The following DSC3 variants were observed in gnomAD, a reference collection of about 807,000 sequenced individuals.
DSC3 encodes desmocollin-3.
Under a neutral mutation model 89.5 loss-of-function variants are expected in DSC3, and 97 were observed. The observed-to-expected ratio is 1.08, with a 90% CI of 0.92 to 1.28. The LOEUF is 1.28. Among genes scored for constraint, DSC3 ranks in the 50% most tolerant of loss-of-function variants. The pLI is 0.00. For synonymous variants in DSC3, 436 were observed against 384.1 expected (o/e 1.14, Z -1.58); for missense variants, 1,199 against 1,085.3 (o/e 1.10, Z -1.47).
At chr18:31,016,220 C>A (rs1985231792) in intron 9 of DSC3, among the ~76,000 whole-genome samples, 1 of 152,162 alleles carries the variant, frequency 6.6e-6, no homozygotes, top group African/African-American at 2.4e-5. Context: ...AGCCAGCAAT[C>A]CACAATTGCT....
At chr18:30,999,786 G>T (rs1598598686) in intron 14 of DSC3, among the ~76,000 whole-genome samples, 1 of 152,228 alleles carries the variant, frequency 6.6e-6, no homozygotes, top group Middle Eastern at 3.4e-3. Flanking sequence ...AAGCTAAAAT[G>T]ATCACTTTTA....
intron 14 of DSC3, among the ~76,000 whole-genome samples, chr18:30,997,477 A>T (rs572374137): frequency 2.6e-5 from 4 of 152,198 alleles, no homozygotes; most frequent in East Asian, 3.9e-4. Flanking sequence ...TGATAAGGAC[A>T]GTAATCCATT....
intron 8 of DSC3, 38 bp from the exon 9 acceptor site, chr18:31,018,294 T>C (rs1228710283): frequency 1.3e-6 from 2 of 1,549,800 alleles, no homozygotes. Context: ...TGAAATTTTA[T>C]TTTATAGACA....
At chr18:30,994,557 G>C in intron 15 of DSC3, 185 bp from the exon 16 acceptor site, 1 of 1,359,290 alleles carries the variant, frequency 7.4e-7, no homozygotes. Context: ...AGTCAGTATA[G>C]TTTACATTTC....
In DSC3 at chr18:31,008,074, C is replaced by A. The variant is rs772463637; in HGVS notation, c.1605G>T (p.Arg535Ser). Residue 535 changes from arginine (R) to serine (S), a missense_variant, in exon 11 of 16, where the codon AGG (arginine) becomes AGT (serine). Arg to Ser is a moderately radical substitution (Grantham distance 110, BLOSUM62 -1). Coordinates refer to ENST00000360428, the MANE Select transcript of DSC3 (RefSeq NM_001941.5). ...ACTCATTTTTGGGAGTTTCAACCTC[C>A]CTATCCAGGATTTTGGAAGTTATGA... ...GSIITSKILD[R>S]EVETPKNELY... The A allele has an allele frequency of 6.2e-7, 1 of 1,613,020 alleles. No individual in the cohort carries two copies. Among genetic ancestry groups the A allele is most frequent in the South Asian group, 1.1e-5 (1 of 91,032 alleles).
In DSC3 at chr18:31,018,756, A is replaced by C; in HGVS notation, c.987T>G (p.Asp329Glu). ...YSLIMKVQDMDGQFFGLIGTS... is the reference protein window; with the variant it reads ...YSLIMKVQDMEGQFFGLIGTS... ...TGCCTATCAATCCAAAAAACTGGCC[A>C]TCCATGTCTTGTACTTTCATTATCA... The change falls in exon 8 of 16, where the codon GAT (aspartate) becomes GAG (glutamate). Residue 329 changes from aspartate to glutamate, a missense_variant. Asp to Glu is a conservative substitution (Grantham distance 45). Transcript: ENST00000360428. The C allele has an allele frequency of 6.2e-7, 1 of 1,613,880 alleles. No individual in the cohort carries two copies. Among genetic ancestry groups the C allele is most frequent in the South Asian group, 1.1e-5 (1 of 91,082 alleles).
chr18:31,018,812 GCA>G lies in DSC3; in HGVS notation c.943-14_943-13del, dbSNP rs765262118. 7.4e-6 allele frequency: 12 copies of G among 1,612,792 alleles called. No homozygotes were observed. Among genetic ancestry groups the G allele is most frequent in the Non-Finnish European group, 1.0e-5 (12 of 1,179,756 alleles). On this transcript the variant is annotated splice_polypyrimidine_tract_variant and intron_variant, in intron 7 of 15. Coordinates refer to ENST00000360428, the MANE Select transcript of DSC3 (RefSeq NM_001941.5). Reference sequence around the variant, plus strand: ...TACTTGTCTACAACCTGGAAACAAAGCAAATATTTAACTAGTCTTGAAAAATT... The same window carrying G: ...TACTTGTCTACAACCTGGAAACAAAGAATATTTAACTAGTCTTGAAAAATT...
At chr18:31,037,397 C>G (rs1232427175) in intron 1 of DSC3, among the ~76,000 whole-genome samples, 1 of 152,118 alleles carries the variant, frequency 6.6e-6, no homozygotes, top group Non-Finnish European at 1.5e-5. Flanking sequence ...TCCTACAAGT[C>G]TTTCATTATT....
chr18:31,030,987 C>G lies in DSC3; in HGVS notation c.340G>C (p.Glu114Gln). ...ACTTTAAATACCTTCTTCTGATGTT[C>G]TAGCAGCACAGTAACCTCTTTCTGT... The part of the protein sequence containing the change: ...QTQKEVTVLL[E>Q]HQKKVSKTRH... The change falls in exon 3 of 16, where the codon GAA becomes CAA. Residue 114 changes from glutamate to glutamine, a missense_variant. Glu to Gln is a conservative substitution (Grantham distance 29). Transcript: ENST00000360428. 1 of 1,613,746 alleles carries G rather than the reference C, an allele frequency of 6.2e-7. No individual in the cohort carries two copies. The highest frequency in any genetic ancestry group is 8.5e-7 in the Non-Finnish European group (1 of 1,179,722).
chr18:31,019,456 A>T (rs952488085), intron 7 of DSC3, among the ~76,000 whole-genome samples: 3 of 152,208 alleles, frequency 2.0e-5, no homozygotes, highest in Non-Finnish European at 4.4e-5. Flanking sequence ...AAAGCCAAAA[A>T]ATCAAAGCAG....
chr18:31,041,165 C>A (rs1986117564), intron 1 of DSC3, among the ~76,000 whole-genome samples: 1 of 152,136 alleles, frequency 6.6e-6, no homozygotes, highest in African/African-American at 2.4e-5. Context: ...CGAGCGAATG[C>A]GAGAAATTCT....
At chr18:30,997,117 G>T (rs1258449093) in intron 14 of DSC3, 69 bp from the exon 15 acceptor site, 2 of 1,561,864 alleles carry the variant, frequency 1.3e-6, no homozygotes, top group South Asian at 1.1e-5. Context: ...AGAAGGCAAA[G>T]GAGAGAGAAT....
chr18:31,028,972 C>T (rs754754187), intron 4 of DSC3, among the ~76,000 whole-genome samples: 23 of 152,108 alleles, frequency 1.5e-4, no homozygotes, highest in Non-Finnish European at 2.5e-4. Context: ...TCTTCTTCTG[C>T]AATTATTTAC....
At chr18:31,024,579 A>G in intron 5 of DSC3, 86 bp from the exon 6 acceptor site, 1 of 1,426,652 alleles carries the variant, frequency 7.0e-7, no homozygotes, top group East Asian at 2.4e-5. Context: ...TGCCTTGCAA[A>G]TCTTTTCAAT....
chr18:31,033,288 T>C (rs1985862833), intron 1 of DSC3, among the ~76,000 whole-genome samples: 1 of 152,072 alleles, frequency 6.6e-6, no homozygotes, highest in Admixed American at 6.6e-5. Flanking sequence ...AAATTAATCT[T>C]TCTAGAAATA....
At chr18:31,007,193 T>G in intron 11 of DSC3, 62 bp from the exon 12 acceptor site, 2 of 1,245,816 alleles carry the variant, frequency 1.6e-6, no homozygotes, top group Non-Finnish European at 2.3e-6. Context: ...TCTTAAAGAA[T>G]AAAAAGTCAA....
rs761549570 is a variant in DSC3, at chr18:31,031,079, C to T, written c.248G>A (p.Arg83Lys). The change falls in exon 3 of 16, where the codon AGG (arginine) becomes AAG (lysine). Residue 83 changes from arginine (R) to lysine (K), a missense_variant. Coordinates refer to ENST00000360428, the MANE Select transcript of DSC3 (RefSeq NM_001941.5). ...TTTCTTATCAGACAGCGCAACAGCCCTGGCTGTGTACACTGACCCATCATT... is the reference window on the plus strand; with the variant it reads ...TTTCTTATCAGACAGCGCAACAGCCTTGGCTGTGTACACTGACCCATCATT... Reference protein sequence around the residue: ...VLNDGSVYTARAVALSDKKRS... With the variant: ...VLNDGSVYTAKAVALSDKKRS... 2 of 1,614,070 alleles carry T rather than the reference C, an allele frequency of 1.2e-6. No individual in the cohort carries two copies. Among genetic ancestry groups the T allele is most frequent in the East Asian group, 2.2e-5 (1 of 44,862 alleles).
rs369074142 is a variant in DSC3, at chr18:31,025,805, T to C, written c.585A>G (p.Leu195=). The change falls in exon 5 of 16, where the codon CTA becomes CTG. Residue 195 remains leucine, a synonymous_variant. Transcript: ENST00000360428. ...LFYIERDTGN[L]FCTRPVDREE... ...CACGATCCACAGGCCGAGTGCAAAA[T>C]AGATTTCCAGTGTCTCTTTCTATAT... 20 of 1,613,174 alleles carry C rather than the reference T, an allele frequency of 1.2e-5. No homozygotes were observed. In the African/African-American group the frequency reaches 2.3e-4, roughly 18 times the overall value.
At position 31,024,330 on chromosome 18, in the gene DSC3, T is replaced by C; in HGVS notation, c.775+19A>G. The C allele has an allele frequency of 1.3e-6, 2 of 1,556,018 alleles. No homozygotes were observed. The highest frequency in any genetic ancestry group is 1.7e-6 in the Non-Finnish European group (2 of 1,151,060). ...GACATATTTAAAATGATTCTTTTTA[T>C]TCTTAAAAGCAGACTTACCAGGTCT... On this transcript the variant is annotated intron_variant, in intron 6 of 15. Coordinates refer to ENST00000360428, the MANE Select transcript of DSC3 (RefSeq NM_001941.5).
Sources: gnomAD v4.1 joint callset for allele counts (sites outside exome capture counted in the v4.1 genomes callset) on GRCh38, gnomAD v4.1.1 for gene constraint, MANE v1.5 for transcripts, NCBI Gene and HGNC (gene_info 2026-07-23, HGNC 2026-07-21) for gene names.